The following XXYLT1 variants were observed in gnomAD, a reference collection of about 807,000 sequenced individuals.
XXYLT1 encodes the protein xyloside xylosyltransferase 1.
A neutral mutation model predicts 28.9 loss-of-function variants in XXYLT1; 20 were observed. That is an observed-to-expected ratio of 0.69 (90% CI 0.49 to 1.00). XXYLT1 has a LOEUF of 1.00. XXYLT1 is among the 50% of genes least tolerant of loss of function. The pLI is 0.00. For synonymous variants in XXYLT1, 257 were observed against 253.8 expected, an observed-to-expected ratio of 1.01 and a Z score of -0.12; for missense variants, 542 against 560.1, an observed-to-expected ratio of 0.97 and a Z score of 0.33.
In XXYLT1 at chr3:195,259,758, TC is replaced by T. The variant is rs1036117733; in HGVS notation, c.504+10796del. ...GGCGGCCTCGGGTCTTTTGCCAAATTCCCCACCGGCGCCAGGATACCGAGGG... is the reference window on the plus strand; with the variant it reads ...GGCGGCCTCGGGTCTTTTGCCAAATTCCCACCGGCGCCAGGATACCGAGGG... On this transcript the variant is annotated intron_variant, in intron 1 of 3. Transcript: ENST00000310380. The T allele has an allele frequency of 1.6e-5, 13 of 794,186 alleles. No homozygotes were observed. In the Admixed American group the frequency reaches 7.5e-4, roughly 46 times the overall value. The allele number at this position is 794,186 out of a possible 1,614,324, so 49.2% of individuals were successfully genotyped here. A position where few individuals can be genotyped will look rare whatever the true frequency, so the allele number is the denominator to read the frequency against.
intron 3 of XXYLT1, among the ~76,000 whole-genome samples, chr3:195,155,173 G>GCA (rs1720497997): frequency 6.6e-6 from 1 of 152,194 alleles, no homozygotes; most frequent in African/African-American, 2.4e-5. Flanking sequence ...TTCCTGTTAT[G>GCA]TGATCTGGGT....
chr3:195,219,300 A>G (rs1723716350), intron 2 of XXYLT1, among the ~76,000 whole-genome samples: 1 of 152,230 alleles, frequency 6.6e-6, no homozygotes, highest in South Asian at 2.1e-4. Context: ...ATGTACCCTA[A>G]AACTTACAGA....
At chr3:195,106,361 T>TGTTGTGTTTTTGATG (rs1560097414) in intron 3 of XXYLT1, among the ~76,000 whole-genome samples, 18 of 152,072 alleles carry the variant, frequency 1.2e-4, no homozygotes, top group African/African-American at 4.1e-4. Context: ...GAGATGCTCT[T>TGTTGTGTTTTTGATG]GCTCCGCACT....
chr3:195,074,643 A>C (rs1019344571), intron 3 of XXYLT1, among the ~76,000 whole-genome samples: 8 of 152,162 alleles, frequency 5.3e-5, no homozygotes, highest in Non-Finnish European at 8.8e-5. Flanking sequence ...CTCTCCGGAC[A>C]CCCTGCGCCC....
chr3:195,175,612 A>AGATG, intron 2 of XXYLT1: 1 of 1,536,140 alleles, frequency 6.5e-7, no homozygotes, highest in Non-Finnish European at 8.7e-7. Flanking sequence ...CGGTAGTAAC[A>AGATG]GACATCGCTA....
intron 1 of XXYLT1, among the ~76,000 whole-genome samples, chr3:195,260,438 C>CA (rs1725655779): frequency 6.6e-6 from 1 of 152,224 alleles, no homozygotes; most frequent in South Asian, 2.1e-4. Context: ...GCTCCCGCAA[C>CA]ACTGACCCCC....
chr3:195,104,162 C>T (rs1365272329), intron 3 of XXYLT1, among the ~76,000 whole-genome samples: 1 of 151,536 alleles, frequency 6.6e-6, no homozygotes, highest in Non-Finnish European at 1.5e-5. Context: ...TGGGAGCACA[C>T]ACCCACTGTG....
At chr3:195,071,765 G>C (rs1248423403) in intron 3 of XXYLT1, among the ~76,000 whole-genome samples, 1 of 152,160 alleles carries the variant, frequency 6.6e-6, no homozygotes, top group African/African-American at 2.4e-5. Context: ...TTATAAAGCA[G>C]CTAAAATTCT....
chr3:195,207,914 G>A (rs892023585), intron 2 of XXYLT1, among the ~76,000 whole-genome samples: 1 of 152,102 alleles, frequency 6.6e-6, no homozygotes, highest in Non-Finnish European at 1.5e-5. Flanking sequence ...CTCTCCACAG[G>A]GCAGCTCATA....
intron 2 of XXYLT1, among the ~76,000 whole-genome samples, chr3:195,161,806 C>T (rs568609391): frequency 4.7e-4 from 71 of 151,926 alleles, no homozygotes; most frequent in Non-Finnish European, 8.2e-4. Context: ...TTAGTAGAGA[C>T]GGGGTTTCAC....
At chr3:195,218,593 T>C (rs1231242160) in intron 2 of XXYLT1, among the ~76,000 whole-genome samples, 5 of 152,108 alleles carry the variant, frequency 3.3e-5, no homozygotes, top group African/African-American at 9.6e-5. Flanking sequence ...ATCAGAGAAA[T>C]GCAAATCAAA....
At chr3:195,089,281 G>A (rs1207795059) in intron 3 of XXYLT1, among the ~76,000 whole-genome samples, 1 of 152,104 alleles carries the variant, frequency 6.6e-6, no homozygotes, top group Non-Finnish European at 1.5e-5. Context: ...AGAGAGAAAG[G>A]TCGGGTTACC....
intron 3 of XXYLT1, among the ~76,000 whole-genome samples, chr3:195,152,008 C>T (rs1720297002): frequency 6.6e-6 from 1 of 152,070 alleles, no homozygotes; most frequent in Non-Finnish European, 1.5e-5. Flanking sequence ...GATATGTATC[C>T]CACTTACAGA....
intron 3 of XXYLT1, among the ~76,000 whole-genome samples, chr3:195,131,794 A>T (rs779001719): frequency 3.9e-5 from 6 of 152,258 alleles, no homozygotes; most frequent in Non-Finnish European, 7.3e-5. Context: ...ATATAATATT[A>T]CCACACAGTG....
chr3:195,244,989 A>C (rs1252447468), intron 1 of XXYLT1, among the ~76,000 whole-genome samples: 2 of 150,286 alleles, frequency 1.3e-5, no homozygotes, highest in East Asian at 4.1e-4. Context: ...AACATGGAGA[A>C]ACCCCCGTCT....
chr3:195,181,158 C>T (rs1342615472), intron 2 of XXYLT1, among the ~76,000 whole-genome samples: 3 of 152,134 alleles, frequency 2.0e-5, no homozygotes, highest in Non-Finnish European at 4.4e-5. Flanking sequence ...CTGTGCTTCT[C>T]CTGAGGACTG....
chr3:195,120,762 C>T (rs1462472428), intron 3 of XXYLT1, among the ~76,000 whole-genome samples: 3 of 152,222 alleles, frequency 2.0e-5, no homozygotes, highest in East Asian at 1.9e-4. Flanking sequence ...ACCGACTCTG[C>T]GGGGTCCCGG....
chr3:195,253,832 A>G (rs1725373372), intron 1 of XXYLT1, among the ~76,000 whole-genome samples: 1 of 152,150 alleles, frequency 6.6e-6, no homozygotes. Flanking sequence ...AAAGCCACTC[A>G]GTCACTCAGT....
chr3:195,259,550 TC>T, intron 1 of XXYLT1: 1 of 985,244 alleles, frequency 1.0e-6, no homozygotes, highest in East Asian at 1.1e-4. Context: ...GGGCTCCTCC[TC>T]CCAGGGAGAG....
Sources: allele counts gnomAD v4.1 joint callset (sites outside exome capture counted in the v4.1 genomes callset), GRCh38; gene constraint gnomAD v4.1.1; transcripts MANE v1.5; gene names NCBI Gene and HGNC (gene_info 2026-07-23, HGNC 2026-07-21).